PCA3: variants seen among roughly 807,000 people sequenced by gnomAD.
The protein encoded by PCA3 is prostate cancer associated 3.
chr9:76,780,103 T>C (rs888594673), intron 2 of PCA3, among the ~76,000 whole-genome samples: 8 of 152,282 alleles, frequency 5.3e-5, no homozygotes, highest in African/African-American at 1.7e-4. Context: ...AACAAATGCA[T>C]AAAAAGAGAT....
chr9:76,781,722 G>T (rs1485418268), intron 2 of PCA3, among the ~76,000 whole-genome samples: 1 of 152,230 alleles, frequency 6.6e-6, no homozygotes, highest in Non-Finnish European at 1.5e-5. Flanking sequence ...TAAGAATTAT[G>T]TGTATTTTAG....
chr9:76,767,708 AT>A (rs1358856005), intron 2 of PCA3, among the ~76,000 whole-genome samples: 2 of 152,128 alleles, frequency 1.3e-5, no homozygotes, highest in African/African-American at 2.4e-5. Flanking sequence ...TTTAATACAT[AT>A]CGTGCATCTC....
At chr9:76,764,910 G>A (rs1437223448) in intron 2 of PCA3, among the ~76,000 whole-genome samples, 1 of 152,132 alleles carries the variant, frequency 6.6e-6, no homozygotes, top group Non-Finnish European at 1.5e-5. Context: ...ACAGACTCTG[G>A]CACATAGAAG....
intron 2 of PCA3, among the ~76,000 whole-genome samples, chr9:76,777,594 A>G (rs1450976972): frequency 1.3e-5 from 2 of 152,206 alleles, no homozygotes; most frequent in Non-Finnish European, 2.9e-5. Context: ...ATTCTTGGGG[A>G]TACAGTATTA....
chr9:76,768,692 C>G (rs1005588692), intron 2 of PCA3, among the ~76,000 whole-genome samples: 1 of 151,220 alleles, frequency 6.6e-6, no homozygotes. Flanking sequence ...AAATTCACTT[C>G]AGAAAATAAT....
chr9:76,768,579 A>ATGTATG (rs1294850865), intron 2 of PCA3, among the ~76,000 whole-genome samples: 2 of 100,510 alleles, frequency 2.0e-5, no homozygotes, highest in African/African-American at 6.4e-5. Context: ...ATATATGTAT[A>ATGTATG]TGTATGTGTG....
chr9:76,770,461 A>G (rs1038474046), intron 2 of PCA3, among the ~76,000 whole-genome samples: 16 of 152,198 alleles, frequency 1.1e-4, no homozygotes, highest in African/African-American at 3.4e-4. Flanking sequence ...AAATGAATAT[A>G]TGATTCAAAA....
chr9:76,766,042 G>A (rs569852445), intron 2 of PCA3, among the ~76,000 whole-genome samples: 7 of 151,950 alleles, frequency 4.6e-5, no homozygotes, highest in East Asian at 3.9e-4. Context: ...AAATAGCCGC[G>A]CGTGGTGGCA....
chr9:76,774,527 C>T (rs951220007), intron 2 of PCA3, among the ~76,000 whole-genome samples: 26 of 142,116 alleles, frequency 1.8e-4, no homozygotes, highest in Non-Finnish European at 3.0e-4. Flanking sequence ...GGCACGATCT[C>T]GGCTCACTGC....
chr9:76,771,989 C>T (rs1489692138), intron 2 of PCA3, among the ~76,000 whole-genome samples: 4 of 152,202 alleles, frequency 2.6e-5, no homozygotes, highest in African/African-American at 9.7e-5. Flanking sequence ...CAAATCTGCA[C>T]TACAGCAAAT....
intron 2 of PCA3, chr9:76,784,477 C>G (rs2131281313): frequency 6.6e-6 from 1 of 152,224 alleles, no homozygotes; most frequent in African/African-American, 2.4e-5. Flanking sequence ...CGTTCATAAC[C>G]AAATCATTTC....
At chr9:76,781,299 C>T (rs2054365391) in intron 2 of PCA3, among the ~76,000 whole-genome samples, 1 of 152,140 alleles carries the variant, frequency 6.6e-6, no homozygotes, top group African/African-American at 2.4e-5. Context: ...TCACTCTGGC[C>T]TGGGAGGGCT....
chr9:76,785,136 T>A (rs2054841218), intron 2 of PCA3: 1 of 152,168 alleles, frequency 6.6e-6, no homozygotes, highest in South Asian at 2.1e-4. Flanking sequence ...CATCAACCCC[T>A]CCCATGCACC....
intron 2 of PCA3, chr9:76,785,141 T>C (rs1001066550): frequency 6.6e-6 from 1 of 152,372 alleles, no homozygotes; most frequent in African/African-American, 2.4e-5. Context: ...ACCCCTCCCA[T>C]GCACCTAAAC....
At chr9:76,770,695 A>G (rs2130929810) in intron 2 of PCA3, among the ~76,000 whole-genome samples, 1 of 152,322 alleles carries the variant, frequency 6.6e-6, no homozygotes, top group Non-Finnish European at 1.5e-5. Context: ...AAATGCTGAT[A>G]TGATATTTTC....
intron 2 of PCA3, among the ~76,000 whole-genome samples, chr9:76,777,775 A>G (rs902968601): frequency 1.3e-5 from 2 of 152,220 alleles, no homozygotes; most frequent in African/African-American, 4.8e-5. Context: ...GGGAAGTATT[A>G]TTTTATATAA....
chr9:76,777,512 C>T (rs2053930575), intron 2 of PCA3, among the ~76,000 whole-genome samples: 2 of 152,284 alleles, frequency 1.3e-5, no homozygotes, highest in South Asian at 2.1e-4. Flanking sequence ...GGCAAGGACT[C>T]CTTTGCGCCT....
chr9:76,776,887 AACACATACACAC>A (rs759136139), intron 2 of PCA3, among the ~76,000 whole-genome samples: 43 of 96,548 alleles, frequency 4.5e-4, no homozygotes, highest in African/African-American at 1.4e-3. Context: ...TCATTACCAA[AACACATACACAC>A]ACACACACAC....
chr9:76,773,833 T>C (rs1263752969), intron 2 of PCA3, among the ~76,000 whole-genome samples: 1 of 152,192 alleles, frequency 6.6e-6, no homozygotes, highest in Admixed American at 6.5e-5. Context: ...CAAGGAAACT[T>C]ACTTAGGAGA....
Sources: allele counts gnomAD v4.1 joint callset (sites outside exome capture counted in the v4.1 genomes callset), GRCh38; gene constraint gnomAD v4.1.1; transcripts MANE v1.5; gene names NCBI Gene and HGNC (gene_info 2026-07-23, HGNC 2026-07-21).